Variants in SLC2A2 observed in about 807,000 individuals in gnomAD.
The protein encoded by SLC2A2 is solute carrier family 2 member 2.
In SLC2A2, 36 loss-of-function variants were observed where a neutral mutation model predicts 54.5. The observed-to-expected ratio is 0.66, with a 90% confidence interval of 0.51 to 0.87. SLC2A2 has a LOEUF of 0.87. SLC2A2 is among the 40% of genes least tolerant of loss of function. The pLI is 0.00. For synonymous variants in SLC2A2, 223 were observed against 219.1 expected, an observed-to-expected ratio of 1.02 and a Z score of -0.16; for missense variants, 543 against 624.3, an observed-to-expected ratio of 0.87 and a Z score of 1.39.
intron 1 of SLC2A2, among the ~76,000 whole-genome samples, chr3:171,020,420 C>T (rs117071747): frequency 6.6e-6 from 1 of 152,070 alleles, no homozygotes; most frequent in African/African-American, 2.4e-5. Context: ...ACAAAGCTTC[C>T]ACCCCTTTCA....
rs1172445203 is a variant in SLC2A2 at position 171,003,250 on chromosome 3, G to A, written c.964-570C>T. The stretch of plus-strand genomic sequence containing the variant: ...CCTTTGTGAGAATCATCCTTATTGT[G>A]TATTGTAGACAGTTCACTATCATTA... On this transcript the variant is annotated intron_variant, in intron 7 of 10. Coordinates refer to ENST00000314251, the MANE Select transcript of SLC2A2 (RefSeq NM_000340.2). Among the ~76,000 whole-genome samples the A allele has an allele frequency of 3.3e-5, 5 of 151,940 alleles. No homozygotes were observed. In the East Asian group the frequency reaches 5.8e-4, roughly 18 times the overall value.
chr3:171,006,082 C>G lies in SLC2A2; in HGVS notation c.636G>C (p.Leu212Phe). 6.2e-7 allele frequency: 1 copy of G among 1,612,274 alleles called. No homozygotes were observed. The highest frequency in any genetic ancestry group is 8.5e-7 in the Non-Finnish European group (1 of 1,178,912). The change falls in exon 6 of 11, where the codon TTG becomes TTC. Residue 212 changes from leucine (L) to phenylalanine (F), a missense_variant. Leu to Phe is a conservative substitution (Grantham distance 22, BLOSUM62 0). Transcript: ENST00000314251. ...GGATGTGCCACAGATCATAATTGCCCAAGATAAATTCAAGACCAATAATCT... is the reference window on the plus strand; with the variant it reads ...GGATGTGCCACAGATCATAATTGCCGAAGATAAATTCAAGACCAATAATCT... Reference protein sequence around the residue: ...ISQIIGLEFILGNYDLWHILL... With the variant: ...ISQIIGLEFIFGNYDLWHILL...
intron 7 of SLC2A2, among the ~76,000 whole-genome samples, chr3:171,004,375 G>A (rs929478010): frequency 6.6e-6 from 1 of 151,952 alleles, no homozygotes; most frequent in Non-Finnish European, 1.5e-5. Context: ...TAAACATCAA[G>A]GACCTCTTAA....
intron 4 of SLC2A2, among the ~76,000 whole-genome samples, chr3:171,008,512 A>G (rs753592697): frequency 1.3e-5 from 2 of 152,124 alleles, no homozygotes; most frequent in Non-Finnish European, 2.9e-5. Flanking sequence ...TTTAATGCTC[A>G]GAATAGGGCC....
intron 2 of SLC2A2, among the ~76,000 whole-genome samples, chr3:171,017,711 T>C (rs1716215839): frequency 6.6e-6 from 1 of 152,204 alleles, no homozygotes; most frequent in Non-Finnish European, 1.5e-5. Flanking sequence ...TTGCCCTCAA[T>C]GACCTCACAG....
chr3:171,007,102 A>G (rs779710728), intron 5 of SLC2A2, 46 bp downstream of exon 5: 6 of 1,044,596 alleles, frequency 5.7e-6, no homozygotes, highest in Non-Finnish European at 9.0e-6. Flanking sequence ...ACTGTAGAGG[A>G]TGAAGTAGAT....
At chr3:171,009,803 G>C (rs1010479485) in intron 4 of SLC2A2, among the ~76,000 whole-genome samples, 155 bp downstream of exon 4, 1 of 151,770 alleles carries the variant, frequency 6.6e-6, no homozygotes, top group Non-Finnish European at 1.5e-5. Context: ...TCCCAACTCA[G>C]GATTTCAACT....
chr3:171,017,281 G>T (rs1716196087), intron 2 of SLC2A2, among the ~76,000 whole-genome samples: 1 of 152,136 alleles, frequency 6.6e-6, no homozygotes, highest in African/African-American at 2.4e-5. Context: ...TGCTAAATTG[G>T]CATGTGTTGT....
At chr3:171,009,908 G>A (rs903357600) in intron 4 of SLC2A2, 50 bp downstream of exon 4, 3 of 1,472,986 alleles carry the variant, frequency 2.0e-6, no homozygotes, top group South Asian at 1.2e-5. Context: ...TTCAGACAAA[G>A]GTAGGTGTGT....
At chr3:171,004,688 G>A (rs1398611707) in intron 7 of SLC2A2, among the ~76,000 whole-genome samples, 1 of 151,868 alleles carries the variant, frequency 6.6e-6, no homozygotes, top group African/African-American at 2.4e-5. Context: ...TGATGCAGGG[G>A]TTTCAGTGTA....
At chr3:171,010,745 T>C (rs1158727846) in intron 3 of SLC2A2, among the ~76,000 whole-genome samples, 1 of 152,142 alleles carries the variant, frequency 6.6e-6, no homozygotes, top group Admixed American at 6.6e-5. Flanking sequence ...ATTTTAATAT[T>C]GTATGCCAGC....
In SLC2A2 at chr3:171,005,400, G is replaced by A; in HGVS notation, c.848C>T (p.Ala283Val). Residue 283 changes from alanine (A) to valine (V), a missense_variant, in exon 7 of 11, where the codon GCA becomes GTA. Around this residue, in one of 3 missense-constraint regions of SLC2A2, gnomAD observed 318 missense variants for 343.8 expected, o/e 0.93. Coordinates refer to ENST00000314251, the MANE Select transcript of SLC2A2 (RefSeq NM_000340.2). Reference sequence around the variant, plus strand: ...TATAGAGACTTTCTGCTCACTCGATGCTTCTTCTCTTTCTTTTCTCATTTC... The same window carrying A: ...TATAGAGACTTTCTGCTCACTCGATACTTCTTCTCTTTCTTTTCTCATTTC... ...INEMRKEREEASSEQKVSIIQ... is the reference protein window; with the variant it reads ...INEMRKEREEVSSEQKVSIIQ... The A allele has an allele frequency of 6.2e-7, 1 of 1,612,570 alleles. No homozygotes were observed. The highest frequency in any genetic ancestry group is 8.5e-7 in the Non-Finnish European group (1 of 1,179,042).
At chr3:171,007,120 G>T in intron 5 of SLC2A2, 28 bp downstream of exon 5, 1 of 1,263,036 alleles carries the variant, frequency 7.9e-7, no homozygotes, top group Non-Finnish European at 1.2e-6. Context: ...GATGGGTGCA[G>T]TAGGGGATAA....
intron 3 of SLC2A2, among the ~76,000 whole-genome samples, chr3:171,012,636 C>T (rs540748179): frequency 2.2e-4 from 34 of 152,052 alleles, no homozygotes; most frequent in African/African-American, 7.7e-4. Flanking sequence ...GGAAGTATTA[C>T]ATTTTTATTT....
In SLC2A2 at chr3:170,996,685, A is replaced by G. The variant is rs1007730372; in HGVS notation, c.*1218T>C. The G allele has an allele frequency of 1.8e-5, 7 of 397,790 alleles. No individual in the cohort carries two copies. Among genetic ancestry groups the G allele is most frequent in the Non-Finnish European group, 3.1e-5 (7 of 225,542 alleles). The allele number at this position is 397,790 out of a possible 1,614,324, so 24.6% of individuals were successfully genotyped here. On this transcript the variant is annotated 3_prime_UTR_variant, in exon 11 of 11. Transcript: ENST00000314251. ...CCTATGTAGGTAAAGGCAGATAGATAGTGTACAATGCGTGTTAGTAATGGC... is the reference window on the plus strand; with the variant it reads ...CCTATGTAGGTAAAGGCAGATAGATGGTGTACAATGCGTGTTAGTAATGGC...
chr3:171,014,775 T>A (rs766494366), intron 2 of SLC2A2, 44 bp from the exon 3 acceptor site: 2 of 1,553,484 alleles, frequency 1.3e-6, no homozygotes, highest in Admixed American at 3.3e-5. Context: ...AAACATTCTA[T>A]GTATTTTTGT....
At position 170,996,738 on chromosome 3, in the gene SLC2A2, T is replaced by C; in HGVS notation, c.*1165A>G. On this transcript the variant is annotated 3_prime_UTR_variant, in exon 11 of 11. Transcript: ENST00000314251. ...TAGAATAGTTTGGCTAGAATCTGTA[T>C]ACAGCTAAGACAAAGAAGGAAATGT... 1 of 397,398 alleles carries C rather than the reference T, an allele frequency of 2.5e-6. No individual in the cohort carries two copies. The highest frequency in any genetic ancestry group is 3.6e-5 in the East Asian group (1 of 28,028). 24.6% of individuals were successfully genotyped at this position (397,398 alleles called of 1,614,324 possible). A position where few individuals can be genotyped will look rare whatever the true frequency, so the allele number is the denominator to read the frequency against.
rs1437312005 is a variant in SLC2A2, at chr3:171,018,554, C to T, written c.85G>A (p.Gly29Ser). Residue 29 changes from glycine (G) to serine (S), a missense_variant, in exon 2 of 11, where the codon GGT becomes AGT. Transcript: ENST00000314251. ...LGSFQFGYDI[G>S]VINAPQQVII... is the part of the protein sequence containing the mutation. ...GCCTGTTGAGGTGCATTGATCACAC[C>T]AATGTCATATCCAAACTGGAAGGAA... The T allele has an allele frequency of 1.3e-5, 21 of 1,613,514 alleles. No individual in the cohort carries two copies. Among genetic ancestry groups the T allele is most frequent in the African/African-American group, 2.7e-5 (2 of 75,008 alleles).
chr3:171,002,758 T>G (rs1445013352), intron 7 of SLC2A2, 78 bp from the exon 8 acceptor site: 1 of 857,138 alleles, frequency 1.2e-6, no homozygotes. Context: ...TATTTTAGAT[T>G]GTTTATTTTT....
Sources: allele counts gnomAD v4.1 joint callset (sites outside exome capture counted in the v4.1 genomes callset), GRCh38; gene constraint gnomAD v4.1.1; regional missense constraint gnomAD v4.1.1; transcripts MANE v1.5; gene names NCBI Gene and HGNC (gene_info 2026-07-23, HGNC 2026-07-21).